The following BRINP3 variants were observed in gnomAD, a reference collection of about 807,000 sequenced individuals.
BRINP3 encodes BMP/retinoic acid inducible neural specific 3, also known as BMP/retinoic acid-inducible neural-specific protein 3.
A neutral mutation model predicts 71.0 loss-of-function variants in BRINP3; 19 were observed. That is an observed-to-expected ratio of 0.27 (90% CI 0.19 to 0.39). The LOEUF (loss-of-function observed/expected upper bound fraction) is 0.39. Ranked by LOEUF, BRINP3 falls within the 10% of genes least tolerant of loss-of-function variation. The pLI is 1.00. For missense variants in BRINP3, 959 were observed against 940.8 expected (o/e 1.02, Z -0.25); for synonymous variants, 380 against 337.7 (o/e 1.13, Z -1.37).
intron 2 of BRINP3, among the ~76,000 whole-genome samples, chr1:190,376,302 C>T (rs115079935): frequency 0.022 from 3,371 of 151,990 alleles, 56 homozygotes; most frequent in Non-Finnish European, 0.033. Context: ...ATATCTAGAA[C>T]GTTCAATGCA....
At chr1:190,246,191 C>T (rs1057190112) in intron 4 of BRINP3, among the ~76,000 whole-genome samples, 5 of 151,992 alleles carry the variant, frequency 3.3e-5, no homozygotes, top group Non-Finnish European at 7.4e-5. Context: ...TGAAATACAA[C>T]TGCAATTTTT....
chr1:190,265,574 C>A (rs1339280662), intron 3 of BRINP3, among the ~76,000 whole-genome samples: 1 of 145,976 alleles, frequency 6.9e-6, no homozygotes, highest in Non-Finnish European at 1.5e-5. Flanking sequence ...ATTAGCCGGG[C>A]GTGGTGGCGG....
chr1:190,230,975 A>G (rs958196322), intron 5 of BRINP3, among the ~76,000 whole-genome samples: 8 of 151,464 alleles, frequency 5.3e-5, no homozygotes, highest in Non-Finnish European at 1.2e-4. Flanking sequence ...AAATTTAAAT[A>G]ATATTAATTA....
chr1:190,160,752 A>C lies in BRINP3; in HGVS notation c.1100T>G (p.Leu367Arg). 2 of 1,613,608 alleles carry C rather than the reference A, an allele frequency of 1.2e-6. No individual in the cohort carries two copies. The highest frequency in any genetic ancestry group is 1.7e-6 in the Non-Finnish European group (2 of 1,179,694). Residue 367 changes from leucine to arginine, a missense_variant, in exon 7 of 8, where the codon CTA becomes CGA. Transcript: ENST00000367462. Reference sequence around the variant, plus strand: ...CTTGTGTACAATTTTCTGCGCCTTTAGGAAAAGTTGTTTCATGCTGTTCTC... The same window carrying C: ...CTTGTGTACAATTTTCTGCGCCTTTCGGAAAAGTTGTTTCATGCTGTTCTC... ...QLENSMKQLF[L>R]KAQKIVHKLF...
intron 2 of BRINP3, among the ~76,000 whole-genome samples, chr1:190,357,113 C>A (rs957144425): frequency 1.4e-4 from 22 of 151,936 alleles, no homozygotes; most frequent in Admixed American, 5.9e-4. Flanking sequence ...AATTTACTTT[C>A]ATGACCAAAC....
chr1:190,413,267 C>T (rs371940736), intron 2 of BRINP3, among the ~76,000 whole-genome samples: 86 of 152,098 alleles, frequency 5.7e-4, no homozygotes, highest in Middle Eastern at 3.4e-3. Flanking sequence ...TCTTAAAGAA[C>T]TATCCTAGGG....
intron 2 of BRINP3, among the ~76,000 whole-genome samples, chr1:190,447,622 C>CTA (rs1395222096): frequency 6.4e-4 from 93 of 144,622 alleles, no homozygotes; most frequent in African/African-American, 2.1e-3. Flanking sequence ...CTCTCTCTCT[C>CTA]TATATATATA....
intron 2 of BRINP3, among the ~76,000 whole-genome samples, chr1:190,449,817 G>A (rs951647707): frequency 6.6e-6 from 1 of 151,906 alleles, no homozygotes; most frequent in Non-Finnish European, 1.5e-5. Context: ...AAAGTCCAGG[G>A]GAAACAACAT....
chr1:190,099,254 A>C, intron 7 of BRINP3, 120 bp from the exon 8 acceptor site: 1 of 931,888 alleles, frequency 1.1e-6, no homozygotes, highest in Non-Finnish European at 1.6e-6. Context: ...CAGTAATTTA[A>C]ATGAAATAAA....
intron 6 of BRINP3, among the ~76,000 whole-genome samples, chr1:190,167,499 A>G (rs1488423876): frequency 6.6e-6 from 1 of 152,186 alleles, no homozygotes; most frequent in Non-Finnish European, 1.5e-5. Flanking sequence ...GTTTGCTTAA[A>G]GTGCCCCAAT....
chr1:190,187,790 G>A (rs1653669430), intron 6 of BRINP3, among the ~76,000 whole-genome samples: 1 of 151,770 alleles, frequency 6.6e-6, no homozygotes, highest in Admixed American at 6.6e-5. Flanking sequence ...CAGCTTTATA[G>A]TGTATTTTGA....
chr1:190,246,170 A>G (rs1345638879), intron 4 of BRINP3, among the ~76,000 whole-genome samples: 1 of 152,094 alleles, frequency 6.6e-6, no homozygotes, highest in Non-Finnish European at 1.5e-5. Context: ...AAAATAATTT[A>G]AAATCCAATG....
intron 2 of BRINP3, among the ~76,000 whole-genome samples, chr1:190,301,926 G>A (rs1664767334): frequency 6.6e-6 from 1 of 151,714 alleles, no homozygotes; most frequent in Non-Finnish European, 1.5e-5. Context: ...TATGTCTATA[G>A]TTCCCTATAT....
At chr1:190,361,918 T>C (rs1669175088) in intron 2 of BRINP3, 1 of 152,266 alleles carries the variant, frequency 6.6e-6, no homozygotes, top group Non-Finnish European at 1.5e-5. Context: ...CTTCAATGTG[T>C]CTGTATTTGG....
At chr1:190,433,265 T>C (rs1301555078) in intron 2 of BRINP3, among the ~76,000 whole-genome samples, 1 of 152,208 alleles carries the variant, frequency 6.6e-6, no homozygotes, top group Non-Finnish European at 1.5e-5. Context: ...TTAAGAAGTA[T>C]ACAGATCAAT....
chr1:190,457,091 A>T (rs987049958), intron 1 of BRINP3, among the ~76,000 whole-genome samples: 1 of 152,162 alleles, frequency 6.6e-6, no homozygotes, highest in Non-Finnish European at 1.5e-5. Context: ...TAACGTCAAG[A>T]GACAATATTC....
chr1:190,335,787 G>A (rs537670835), intron 2 of BRINP3, among the ~76,000 whole-genome samples: 1 of 152,030 alleles, frequency 6.6e-6, no homozygotes, highest in South Asian at 2.1e-4. Flanking sequence ...GCTAGCTCCT[G>A]TAAACTTGTC....
chr1:190,463,466 C>T (rs547251162), intron 1 of BRINP3, among the ~76,000 whole-genome samples: 1 of 151,428 alleles, frequency 6.6e-6, no homozygotes, highest in Non-Finnish European at 1.5e-5. Flanking sequence ...ACATCATTTG[C>T]CAAGAAATAT....
intron 6 of BRINP3, among the ~76,000 whole-genome samples, chr1:190,163,681 C>A (rs1255824106): frequency 2.6e-5 from 4 of 151,988 alleles, no homozygotes; most frequent in Non-Finnish European, 1.5e-5. Context: ...TGACAACTTT[C>A]TAATAAATTA....
Sources: gnomAD v4.1 joint callset for allele counts (sites outside exome capture counted in the v4.1 genomes callset) on GRCh38, gnomAD v4.1.1 for gene constraint, MANE v1.5 for transcripts, NCBI Gene and HGNC (gene_info 2026-07-23, HGNC 2026-07-21) for gene names.